The following IFT46 variants were observed in gnomAD, a reference collection of about 807,000 sequenced individuals.
IFT46 encodes the protein intraflagellar transport protein 46 homolog.
IFT46 carries 19 observed loss-of-function variants against 39.6 expected under a neutral mutation model. The observed-to-expected ratio is 0.48, with a 90% confidence interval of 0.33 to 0.70. The LOEUF (loss-of-function observed/expected upper bound fraction) is 0.70. IFT46 is among the 30% of genes least tolerant of loss of function. The pLI is 0.01. For missense variants in IFT46, 334 were observed against 364.8 expected, an observed-to-expected ratio of 0.92 and a Z score of 0.69; for synonymous variants, 117 against 134.8, an observed-to-expected ratio of 0.87 and a Z score of 0.91.
intron 2 of IFT46, chr11:118,560,547 C>G (rs192371031): frequency 1.9e-4 from 41 of 215,220 alleles, no homozygotes; most frequent in Admixed American, 3.8e-4. Context: ...AGGTTAATAA[C>G]TAGTAAAGTA....
upstream of IFT46, chr11:118,573,553 G>A: frequency 1.8e-6 from 1 of 568,510 alleles, no homozygotes; most frequent in Non-Finnish European, 3.2e-6. Context: ...ATTTTTCAGT[G>A]CACCTTATGT....
At chr11:118,551,028 C>CA (rs202115759) in intron 9 of IFT46, among the ~76,000 whole-genome samples, 7,833 of 88,480 alleles carry the variant, frequency 0.089, 498 homozygotes, top group African/African-American at 0.21. Flanking sequence ...GAGACTGCCT[C>CA]AAAAAAAAAA....
At chr11:118,563,562 T>G (rs1254051382) in intron 2 of IFT46, among the ~76,000 whole-genome samples, 1 of 152,186 alleles carries the variant, frequency 6.6e-6, no homozygotes, top group Non-Finnish European at 1.5e-5. Context: ...TTTGCCTCTT[T>G]TCTTTATTCT....
upstream of IFT46, among the ~76,000 whole-genome samples, chr11:118,574,837 G>A (rs147679573): frequency 6.4e-3 from 977 of 152,114 alleles, 11 homozygotes; most frequent in African/African-American, 0.021. Flanking sequence ...CGCTATCATA[G>A]TGCACTGCGG....
At chr11:118,573,572 CT>C (rs1938408295), upstream of IFT46, 1 of 644,162 alleles carries the variant, frequency 1.6e-6, no homozygotes, top group African/African-American at 1.8e-5. Flanking sequence ...GTCCTTTAGT[CT>C]TTTGAAGGAT....
chr11:118,552,835 T>G (rs1555068754), intron 7 of IFT46, among the ~76,000 whole-genome samples: 1 of 148,094 alleles, frequency 6.8e-6, no homozygotes, highest in African/African-American at 2.5e-5. Context: ...CCTGCAGTCC[T>G]AGCACTTTGG....
chr11:118,551,695 C>G (rs1937644560), intron 9 of IFT46, 91 bp downstream of exon 9: 2 of 832,054 alleles, frequency 2.4e-6, no homozygotes, highest in Admixed American at 4.9e-5. Context: ...AAAAAAGTTA[C>G]CAATAATAAT....
At chr11:118,558,772 C>T in intron 3 of IFT46, among the ~76,000 whole-genome samples, 1 of 150,826 alleles carries the variant, frequency 6.6e-6, no homozygotes, top group East Asian at 2.0e-4. Flanking sequence ...AAAAATTAGC[C>T]AGGCGAGTTG....
intron 9 of IFT46, among the ~76,000 whole-genome samples, chr11:118,548,189 C>CCTTTTCTT (rs1174905641): frequency 6.7e-6 from 1 of 149,354 alleles, no homozygotes; most frequent in Admixed American, 6.6e-5. Context: ...GGCCCAGTTT[C>CCTTTTCTT]CTTTTCTTAT....
At chr11:118,560,899 G>A in intron 2 of IFT46, 2 of 832,310 alleles carry the variant, frequency 2.4e-6, no homozygotes, top group African/African-American at 1.7e-5. Flanking sequence ...CCCGTATAGA[G>A]GGGGATATAG....
chr11:118,547,602 A>G (rs1951716314), intron 9 of IFT46, among the ~76,000 whole-genome samples: 1 of 145,494 alleles, frequency 6.9e-6, no homozygotes, highest in Admixed American at 6.7e-5. Flanking sequence ...TGTGTTTTCA[A>G]TAGAGACAGG....
chr11:118,554,886 A>G (rs1040735408), intron 6 of IFT46, 104 bp downstream of exon 6: 21 of 859,518 alleles, frequency 2.4e-5, no homozygotes, highest in Non-Finnish European at 3.4e-5. Context: ...TGAAATGAAC[A>G]TGACTAGCCA....
upstream of IFT46, among the ~76,000 whole-genome samples, chr11:118,569,352 G>A (rs1397695205): frequency 4.0e-5 from 6 of 151,786 alleles, no homozygotes; most frequent in South Asian, 4.2e-4. Context: ...CAGAACTTTG[G>A]GGGGACAAGA....
intron 9 of IFT46, among the ~76,000 whole-genome samples, chr11:118,549,590 T>C (rs1951770556): frequency 6.6e-6 from 1 of 150,704 alleles, no homozygotes; most frequent in Non-Finnish European, 1.5e-5. Context: ...AGTGGCACGA[T>C]CTCGGCTCAC....
intron 7 of IFT46, among the ~76,000 whole-genome samples, chr11:118,554,249 G>A (rs1937750713): frequency 6.6e-6 from 1 of 151,888 alleles, no homozygotes; most frequent in Admixed American, 6.6e-5. Context: ...TAGAGACGGG[G>A]TTTCACCATG....
chr11:118,558,291 G>A (rs535481961), intron 3 of IFT46, among the ~76,000 whole-genome samples: 3 of 152,190 alleles, frequency 2.0e-5, no homozygotes, highest in African/African-American at 4.8e-5. Flanking sequence ...AGTTTTGGCA[G>A]AGGGAACTTT....
Position 118,556,967 on chromosome 11 carries a change from A to AATC in IFT46, c.121_123dup (p.Asp41dup), listed in dbSNP as rs781847196. The AATC allele has an allele frequency of 1.7e-5, 28 of 1,611,400 alleles. No individual in the cohort carries two copies. The highest frequency in any genetic ancestry group is 1.7e-4 in the Middle Eastern group (1 of 6,048). ...TCAGAATCAGAATCAGTTTCAGATGAATCATCATCATCATCATCGTCATCC... is the reference window on the plus strand; with the variant it reads ...TCAGAATCAGAATCAGTTTCAGATGAATCATCATCATCATCATCATCGTCATCC... On this transcript the variant is annotated inframe_insertion, in exon 4 of 12. Coordinates refer to ENST00000264021, the MANE Select transcript of IFT46 (RefSeq NM_001168618.2).
At position 118,556,926 on chromosome 11, in the gene IFT46, C is replaced by A. The variant is rs782091913; in HGVS notation, c.165G>T (p.Glu55Asp). The change falls in exon 4 of 12, where the codon GAG (glutamate) becomes GAT (aspartate). Residue 55 changes from glutamate to aspartate, a missense_variant. Glu to Asp is a conservative substitution (Grantham distance 45, BLOSUM62 2). Transcript: ENST00000264021. ...CTCACCCTTCCAGAGGGGCTCCATG[C>A]TCTTCATCATCATCATCAGAATCAG... ...TDSDSDDDDE[E>D]HGAPLEGAYD... The A allele has an allele frequency of 1.2e-6, 2 of 1,608,474 alleles. No homozygotes were observed. Among genetic ancestry groups the A allele is most frequent in the Non-Finnish European group, 8.5e-7 (1 of 1,177,000 alleles).
intron 7 of IFT46, 25 bp downstream of exon 7, chr11:118,554,434 G>A: frequency 6.3e-7 from 1 of 1,579,354 alleles, no homozygotes; most frequent in Non-Finnish European, 8.6e-7. Context: ...CTCCAGCTGG[G>A]GCCTATACTA....
Sources: allele counts gnomAD v4.1 joint callset (sites outside exome capture counted in the v4.1 genomes callset), GRCh38; gene constraint gnomAD v4.1.1; transcripts MANE v1.5; gene names NCBI Gene and HGNC (gene_info 2026-07-23, HGNC 2026-07-21).